Variants in ANKH observed in about 807,000 individuals in gnomAD.
ANKH encodes the protein ANKH inorganic pyrophosphate transport regulator, also known as mineralization regulator ANKH.
In ANKH, 15 loss-of-function variants were observed where a neutral mutation model predicts 49.0. The ratio of observed to expected loss-of-function variants is 0.31; its 90% CI spans 0.20 to 0.47. The LOEUF is 0.47. ANKH is among the 20% of genes least tolerant of loss of function. The pLI, the probability that ANKH is intolerant of heterozygous loss-of-function variation, is 1.00. For synonymous variants in ANKH, 273 were observed against 260.0 expected, an observed-to-expected ratio of 1.05 and a Z score of -0.48; for missense variants, 429 against 652.0, an observed-to-expected ratio of 0.66 and a Z score of 3.72.
intron 8 of ANKH, among the ~76,000 whole-genome samples, chr5:14,718,815 A>G (rs1198552958): frequency 1.5e-5 from 2 of 130,846 alleles, no homozygotes; most frequent in Non-Finnish European, 3.2e-5. Context: ...GCGAAACTCC[A>G]TCCTCCCAAC....
chr5:14,845,350 A>G (rs925117623), intron 1 of ANKH, among the ~76,000 whole-genome samples: 42 of 48,334 alleles, frequency 8.7e-4, no homozygotes, highest in Non-Finnish European at 2.3e-3. Flanking sequence ...TTTCATGTGT[A>G]TATATATATA....
chr5:14,813,034 C>T (rs1255002756), intron 1 of ANKH, among the ~76,000 whole-genome samples: 1 of 152,176 alleles, frequency 6.6e-6, no homozygotes, highest in Non-Finnish European at 1.5e-5. Context: ...TGAAGCCAGA[C>T]ATTTGAGACC....
At chr5:14,775,333 A>G (rs1261538509) in intron 1 of ANKH, among the ~76,000 whole-genome samples, 1 of 152,132 alleles carries the variant, frequency 6.6e-6, no homozygotes, top group Non-Finnish European at 1.5e-5. Flanking sequence ...TCTGCCTCCC[A>G]AAGCATGATA....
chr5:14,775,849 A>C (rs1447319030), intron 1 of ANKH, among the ~76,000 whole-genome samples: 3 of 152,206 alleles, frequency 2.0e-5, no homozygotes, highest in African/African-American at 7.2e-5. Context: ...GGGCAGAGGC[A>C]GGACAGGGGC....
intron 8 of ANKH, among the ~76,000 whole-genome samples, chr5:14,733,339 G>A (rs1454008504): frequency 6.6e-6 from 1 of 152,128 alleles, no homozygotes; most frequent in African/African-American, 2.4e-5. Flanking sequence ...TGGGACATCC[G>A]ACCCAGAGCT....
At chr5:14,835,096 T>C (rs540827103) in intron 1 of ANKH, among the ~76,000 whole-genome samples, 2 of 152,352 alleles carry the variant, frequency 1.3e-5, no homozygotes, top group South Asian at 4.1e-4. Flanking sequence ...CTAGTACAAC[T>C]CATTTACATT....
chr5:14,721,156 C>T lies in ANKH; in HGVS notation c.1012-4321G>A, dbSNP rs375745290. Reference sequence around the variant, plus strand: ...AGTTATGGTACCTTGAACACAACCACGAAGTTAAGTAAGGTTTGATGGATT... The same window carrying T: ...AGTTATGGTACCTTGAACACAACCATGAAGTTAAGTAAGGTTTGATGGATT... On this transcript the variant is annotated intron_variant, in intron 8 of 11. Transcript: ENST00000284268. Among the ~76,000 whole-genome samples the T allele has an allele frequency of 8.5e-5, 13 of 152,298 alleles. No individual in the cohort carries two copies. The East Asian group carries it at 1.2e-3, about 14-fold the overall frequency.
chr5:14,775,017 T>C (rs1739568069), intron 1 of ANKH, among the ~76,000 whole-genome samples: 1 of 152,020 alleles, frequency 6.6e-6, no homozygotes, highest in Non-Finnish European at 1.5e-5. Flanking sequence ...CAACTCTATA[T>C]ATACTATGTT....
At chr5:14,756,034 C>T (rs1054533372) in intron 3 of ANKH, 90 bp from the exon 4 acceptor site, 2 of 1,086,272 alleles carry the variant, frequency 1.8e-6, no homozygotes, top group African/African-American at 1.5e-5. Context: ...TCCTGAAATA[C>T]ACTTTATACC....
chr5:14,765,004 C>T (rs914335476), intron 2 of ANKH, among the ~76,000 whole-genome samples: 6 of 152,198 alleles, frequency 3.9e-5, no homozygotes, highest in African/African-American at 7.2e-5. Flanking sequence ...TTTCCACGCA[C>T]GTGAAATTAA....
chr5:14,832,153 A>T (rs1741524854), intron 1 of ANKH, among the ~76,000 whole-genome samples: 2 of 152,154 alleles, frequency 1.3e-5, no homozygotes, highest in South Asian at 4.1e-4. Flanking sequence ...ATATATATAT[A>T]TTTTCTGGTC....
intron 1 of ANKH, among the ~76,000 whole-genome samples, chr5:14,805,524 A>G (rs1285467325): frequency 6.7e-6 from 1 of 150,042 alleles, no homozygotes; most frequent in Non-Finnish European, 1.5e-5. Context: ...ATACACATAC[A>G]CACATATATA....
rs145495081 is a variant in ANKH at position 14,719,208 on chromosome 5, G to A, written c.1012-2373C>T. ...ATAGCACTGAAAGCTAGAAGACAAGGAGCAATAAGTTTTGAAGGCGGATGA... is the reference window on the plus strand; with the variant it reads ...ATAGCACTGAAAGCTAGAAGACAAGAAGCAATAAGTTTTGAAGGCGGATGA... On this transcript the variant is annotated intron_variant, in intron 8 of 11. Transcript: ENST00000284268. 2.0e-3 allele frequency among the ~76,000 whole-genome samples: 303 copies of A among 152,314 alleles called. 2 individuals are homozygous for A. The highest frequency in any genetic ancestry group is 6.7e-3 in the African/African-American group (279 of 41,570).
At chr5:14,842,427 C>T (rs938495524) in intron 1 of ANKH, among the ~76,000 whole-genome samples, 9 of 152,094 alleles carry the variant, frequency 5.9e-5, no homozygotes, top group Admixed American at 2.0e-4. Flanking sequence ...CAAGCCAGTT[C>T]GGCAATGTCT....
rs1384993981 is a variant in ANKH at position 14,757,411 on chromosome 5, A to AATATATATAT, written c.432+1068_432+1069insATATATATAT. On this transcript the variant is annotated intron_variant, in intron 3 of 11. Coordinates refer to ENST00000284268, the MANE Select transcript of ANKH (RefSeq NM_054027.6). Reference sequence around the variant, plus strand: ...ACTTTCCAGCATTGGACCTTATTGGAACATATATATATATATATATTTTTT... The same window carrying AATATATATAT: ...ACTTTCCAGCATTGGACCTTATTGGAATATATATATACATATATATATATATATATTTTTT... 1.2e-3 allele frequency among the ~76,000 whole-genome samples: 112 copies of AATATATATAT among 96,224 alleles called. 2 individuals carry two copies. Among genetic ancestry groups the AATATATATAT allele is most frequent in the Middle Eastern group, 6.7e-3 (1 of 150 alleles). 63.1% of individuals were successfully genotyped at this position (96,224 alleles called of 152,430 possible).
Position 14,758,506 on chromosome 5 carries a change from C to A in ANKH, c.406G>T (p.Ala136Ser). Residue 136 changes from alanine to serine, a missense_variant, in exon 3 of 12, where the codon GCC becomes TCC. Ala to Ser is a moderately conservative substitution (Grantham distance 99). Coordinates refer to ENST00000284268, the MANE Select transcript of ANKH (RefSeq NM_054027.6). ...SKTRRAFLYL[A>S]AFPFMDAMAW... is the part of the protein sequence containing the mutation. The stretch of plus-strand genomic sequence containing the variant: ...ATTGCGTCCATGAAAGGAAAGGCGG[C>A]GAGGTACAGGAAGGCCCTTCTCGTC... 1 of 1,614,036 alleles carries A rather than the reference C, an allele frequency of 6.2e-7. No individual in the cohort carries two copies.
intron 8 of ANKH, among the ~76,000 whole-genome samples, chr5:14,736,798 C>G (rs1443123265): frequency 6.6e-6 from 1 of 152,192 alleles, no homozygotes; most frequent in African/African-American, 2.4e-5. Flanking sequence ...CTGGCTGGCT[C>G]TGCTTGCCAA....
At chr5:14,855,829 T>TG (rs2126626362) in intron 1 of ANKH, among the ~76,000 whole-genome samples, 1 of 133,004 alleles carries the variant, frequency 7.5e-6, no homozygotes, top group South Asian at 2.3e-4. Context: ...TTCCCTAAGG[T>TG]GGAAAAAAAA....
Position 14,797,987 on chromosome 5 carries a change from A to G in ANKH, c.97-28796T>C. On this transcript the variant is annotated intron_variant, in intron 1 of 11. Coordinates refer to ENST00000284268, the MANE Select transcript of ANKH (RefSeq NM_054027.6). ...TGGAAGGAGTCTTTGTTGTGATGAT[A>G]CAAGGGTTCTGGGGCATATAACGGG... 4 of 1,561,482 alleles carry G rather than the reference A, an allele frequency of 2.6e-6. No homozygotes were observed. The Admixed American group carries it at 6.7e-5, about 26-fold the overall frequency.
Sources: allele counts gnomAD v4.1 joint callset (sites outside exome capture counted in the v4.1 genomes callset), GRCh38; gene constraint gnomAD v4.1.1; transcripts MANE v1.5; gene names NCBI Gene and HGNC (gene_info 2026-07-23, HGNC 2026-07-21).